ELFN1: variants seen among roughly 807,000 people sequenced by gnomAD.
The protein encoded by ELFN1 is protein ELFN1.
A neutral mutation model predicts 7.6 loss-of-function variants in ELFN1; 6 were observed. The ratio of observed to expected loss-of-function variants is 0.79; its 90% CI spans 0.43 to 1.56. The LOEUF (loss-of-function observed/expected upper bound fraction) is 1.56, where lower values mean the gene tolerates loss of function less well. ELFN1 is among the 40% of genes most tolerant of loss of function. ELFN1 has a pLI of 0.01. For synonymous variants in ELFN1, 657 were observed against 588.1 expected, an observed-to-expected ratio of 1.12 and a Z score of -1.70; for missense variants, 1,169 against 1,232.2, an observed-to-expected ratio of 0.95 and a Z score of 0.77.
chr7:1,690,040 A>G (rs920537633), intron 2 of ELFN1, among the ~76,000 whole-genome samples: 13 of 152,320 alleles, frequency 8.5e-5, no homozygotes, highest in African/African-American at 2.9e-4. Context: ...CATATGCATC[A>G]TCAGATGGAG....
chr7:1,728,474 C>A lies in ELFN1; in HGVS notation c.-293-15830C>A, dbSNP rs116392041. Among the ~76,000 whole-genome samples the A allele has an allele frequency of 2.0e-5, 3 of 152,248 alleles. No individual in the cohort carries two copies. The East Asian group carries it at 5.8e-4, about 29-fold the overall frequency. On this transcript the variant is annotated intron_variant, in intron 3 of 3. Coordinates refer to ENST00000424383, the MANE Select transcript of ELFN1 (RefSeq NM_001128636.4). ...AGAAGCCAGCTGCTGCCAACAGGCA[C>A]CCAGTCCTCTTCACTCAGGGTCCTG...
At position 1,705,066 on chromosome 7, in the gene ELFN1, TG is replaced by T. The variant is rs1024001999; in HGVS notation, c.-455-4019del. 2.0e-5 allele frequency among the ~76,000 whole-genome samples: 3 copies of T among 150,872 alleles called. No homozygotes were observed. Among genetic ancestry groups the T allele is most frequent in the African/African-American group, 7.3e-5 (3 of 40,922 alleles). ...GGGCAGAGGTGGAGACCTGCTGGGG[TG>T]GGGGGCGCGTACTGGAGAACAGAGG... On this transcript the variant is annotated intron_variant, in intron 2 of 3. Transcript: ENST00000424383. This position sits in a 1 kb window ranked among gnomAD's most constrained non-coding sequence, Gnocchi z 4.3.
chr7:1,709,309 A>C (rs1375036207), intron 3 of ELFN1, 57 bp downstream of exon 3: 1 of 152,304 alleles, frequency 6.6e-6, no homozygotes, highest in Non-Finnish European at 1.5e-5. Flanking sequence ...GAAGGGGGAC[A>C]GGAACAATTC....
intron 1 of ELFN1, among the ~76,000 whole-genome samples, chr7:1,679,423 C>G (rs1778934446): frequency 6.6e-6 from 1 of 152,150 alleles, no homozygotes. Context: ...GCAGGGAACT[C>G]TGGGCCTGGG....
At position 1,670,498 on chromosome 7, in the gene ELFN1, C is replaced by T. The variant is rs1466629371; in HGVS notation, c.-549+144C>T. ...GCGTGCGCCCCCAGCCCCTGCTGCG[C>T]CCCCAGGCCTGGCGCGCGATCCGAG... On this transcript the variant is annotated intron_variant, in intron 1 of 3. Coordinates refer to ENST00000424383, the MANE Select transcript of ELFN1 (RefSeq NM_001128636.4). This position sits in a 1 kb window ranked among gnomAD's most constrained non-coding sequence, Gnocchi z 6.4. Among the ~76,000 whole-genome samples the T allele has an allele frequency of 6.6e-6, 1 of 151,722 alleles. No individual in the cohort carries two copies. The highest frequency in any genetic ancestry group is 1.5e-5 in the Non-Finnish European group (1 of 67,868).
chr7:1,727,659 C>G (rs1410184241), intron 3 of ELFN1, among the ~76,000 whole-genome samples: 7 of 152,118 alleles, frequency 4.6e-5, no homozygotes, highest in Non-Finnish European at 1.0e-4. Context: ...CCCAGGGTGG[C>G]ATGCAATGGT....
At position 1,711,618 on chromosome 7, in the gene ELFN1, GA is replaced by G. The variant is rs1562369974; in HGVS notation, c.-294+2367del. On this transcript the variant is annotated intron_variant, in intron 3 of 3. Coordinates refer to ENST00000424383, the MANE Select transcript of ELFN1 (RefSeq NM_001128636.4). ...AGAGAGAGAGAGAGAGAGAGAGAGAGAGAGAGAGAATGAGACAAGGGAGAAA... is the reference window on the plus strand; with the variant it reads ...AGAGAGAGAGAGAGAGAGAGAGAGAGGAGAGAGAATGAGACAAGGGAGAAA... Among the ~76,000 whole-genome samples, 321 of 141,108 alleles carry G rather than the reference GA, an allele frequency of 2.3e-3. 4 individuals are homozygous for G. The highest frequency in any genetic ancestry group is 9.1e-3 in the African/African-American group (306 of 33,722). 92.6% of individuals were successfully genotyped at this position (141,108 alleles called of 152,430 possible). A position where few individuals can be genotyped will look rare whatever the true frequency, so the allele number is the denominator to read the frequency against.
intron 3 of ELFN1, among the ~76,000 whole-genome samples, chr7:1,734,613 A>C (rs765247382): frequency 1.4e-4 from 21 of 151,694 alleles, no homozygotes; most frequent in Non-Finnish European, 2.1e-4. Flanking sequence ...GGCCTTGGGG[A>C]GGGTCTGTCT....
intron 1 of ELFN1, among the ~76,000 whole-genome samples, chr7:1,680,531 T>G (rs780552938): frequency 1.3e-5 from 2 of 152,144 alleles, no homozygotes; most frequent in Non-Finnish European, 2.9e-5. Flanking sequence ...TACAGAGGCA[T>G]CCTGTGCGCC....
Position 1,670,858 on chromosome 7 carries a change from G to A in ELFN1, c.-549+504G>A, listed in dbSNP as rs890470840. On this transcript the variant is annotated intron_variant, in intron 1 of 3. Transcript: ENST00000424383. The surrounding 1 kb of genome is among the most constrained non-coding windows in gnomAD (Gnocchi z 6.4). ...GACGCTGCGAGCCTCCTCGCTCCGCGCGGGGACCGTCCAGTCACGCACGGG... is the reference window on the plus strand; with the variant it reads ...GACGCTGCGAGCCTCCTCGCTCCGCACGGGGACCGTCCAGTCACGCACGGG... Among the ~76,000 whole-genome samples, 1 of 152,088 alleles carries A rather than the reference G, an allele frequency of 6.6e-6. No homozygotes were observed. Among genetic ancestry groups the A allele is most frequent in the African/African-American group, 2.4e-5 (1 of 41,442 alleles).
rs774293588 is a variant in ELFN1 at position 1,746,234 on chromosome 7, C to G, written c.1638C>G (p.Pro546=). The G allele has an allele frequency of 5.4e-6, 8 of 1,485,294 alleles. No individual in the cohort carries two copies. The African/African-American group carries it at 8.4e-5, about 16-fold the overall frequency. The allele number at this position is 1,485,294 out of a possible 1,614,324, so 92.0% of individuals were successfully genotyped here. ...ACTGTGAGCTGGGCCGGCCGGGCCC[C>G]GACAGCCAGAGTTCGGTGGCCGAGA... is the stretch of plus-strand genomic sequence containing the variant. The part of the protein sequence containing the change: ...RRDCELGRPG[P]DSQSSVAEIS... Residue 546 remains proline (P), a synonymous_variant, in exon 4 of 4, where the codon CCC becomes CCG. Transcript: ENST00000424383.
In ELFN1 at chr7:1,711,658, C is replaced by T. The variant is rs114111541; in HGVS notation, c.-294+2406C>T. On this transcript the variant is annotated intron_variant, in intron 3 of 3. Coordinates refer to ENST00000424383, the MANE Select transcript of ELFN1 (RefSeq NM_001128636.4). ...ACAAGGGAGAAAGCGCACTCGGAAA[C>T]GGAAATCCCAGTTTTCAGTTCTTCG... 7.0e-3 allele frequency among the ~76,000 whole-genome samples: 1,045 copies of T among 150,256 alleles called. 11 individuals carry two copies. Among genetic ancestry groups the T allele is most frequent in the African/African-American group, 0.024 (960 of 40,568 alleles).
chr7:1,675,767 G>A lies in ELFN1; in HGVS notation c.-549+5413G>A, dbSNP rs527379612. On this transcript the variant is annotated intron_variant, in intron 1 of 3. Transcript: ENST00000424383. ...CCGGAGGGACGAGTCAAGGACAGCT[G>A]TGTGCCTTCACAGTCCCGCGCTGTC... Among the ~76,000 whole-genome samples the A allele has an allele frequency of 4.6e-5, 7 of 152,374 alleles. No individual in the cohort carries two copies. In the East Asian group the frequency reaches 1.4e-3, roughly 29 times the overall value.
chr7:1,706,700 C>T (rs1055091156), intron 2 of ELFN1, among the ~76,000 whole-genome samples: 2 of 152,226 alleles, frequency 1.3e-5, no homozygotes, highest in Admixed American at 6.5e-5. Context: ...TGTCTAATCA[C>T]CTTCACCCCT....
At chr7:1,708,746 A>C (rs1779589288) in intron 2 of ELFN1, among the ~76,000 whole-genome samples, 1 of 151,504 alleles carries the variant, frequency 6.6e-6, no homozygotes, top group Admixed American at 6.6e-5. Context: ...CCCCACCTTT[A>C]CCCCAAACAC....
upstream of ELFN1, among the ~76,000 whole-genome samples, chr7:1,667,810 G>C (rs1371150758): frequency 6.6e-6 from 1 of 152,174 alleles, no homozygotes; most frequent in Non-Finnish European, 1.5e-5. The surrounding 1 kb of genome is among the most constrained non-coding windows in gnomAD (Gnocchi z 8.2). Flanking sequence ...GGGGCGTGGA[G>C]CGCGGCGTTG....
chr7:1,725,649 G>A (rs892870017), intron 3 of ELFN1, among the ~76,000 whole-genome samples: 22 of 152,288 alleles, frequency 1.4e-4, no homozygotes, highest in Admixed American at 9.1e-4. Context: ...GCTGTCGGAC[G>A]CCCGCCTGCT....
At chr7:1,729,257 G>A (rs1053939682) in intron 3 of ELFN1, among the ~76,000 whole-genome samples, 1 of 152,216 alleles carries the variant, frequency 6.6e-6, no homozygotes, top group African/African-American at 2.4e-5. Context: ...TCTTACTTGA[G>A]GACTTGGGTT....
At chr7:1,732,803 C>T (rs1423711432) in intron 3 of ELFN1, among the ~76,000 whole-genome samples, 1 of 152,180 alleles carries the variant, frequency 6.6e-6, no homozygotes, top group Non-Finnish European at 1.5e-5. Flanking sequence ...CTGCAGAAAC[C>T]TCTTTCCTGG....
Sources: allele counts gnomAD v4.1 joint callset (sites outside exome capture counted in the v4.1 genomes callset), GRCh38; gene constraint gnomAD v4.1.1; non-coding constraint Gnocchi (gnomAD v3.1); transcripts MANE v1.5; gene names NCBI Gene and HGNC (gene_info 2026-07-23, HGNC 2026-07-21).